The following CTPS2 variants were observed in gnomAD, a reference collection of about 807,000 sequenced individuals.
CTPS2 encodes CTP synthase 2.
In CTPS2, 19 loss-of-function variants were observed where a neutral mutation model predicts 46.8. The observed-to-expected ratio is 0.41, with a 90% CI of 0.28 to 0.60. The LOEUF (loss-of-function observed/expected upper bound fraction) is 0.60, where lower values mean the gene tolerates loss of function less well. Among genes scored for constraint, CTPS2 ranks in the 20% least tolerant of loss-of-function variants. CTPS2 has a pLI of 0.35. For synonymous variants in CTPS2, 151 were observed against 165.2 expected, an observed-to-expected ratio of 0.91 and a Z score of 0.66; for missense variants, 286 against 447.6, an observed-to-expected ratio of 0.64 and a Z score of 3.26.
chrX:16,626,251 G>A (rs372940311), intron 14 of CTPS2, among the ~76,000 whole-genome samples: 6 of 111,076 alleles, frequency 5.4e-5, no homozygotes, highest in Admixed American at 2.9e-4. Flanking sequence ...GCGTGGTGGT[G>A]GACACCTGTA....
At chrX:16,693,048 C>A (rs1354528798) in intron 6 of CTPS2, 93 bp downstream of exon 6, 54 of 640,009 alleles carry the variant, frequency 8.4e-5, no homozygotes, top group Non-Finnish European at 1.3e-4. Flanking sequence ...CAGAGCAAGA[C>A]TCCGTCTCAA....
At chrX:16,600,278 G>T (rs1482454691) in intron 17 of CTPS2, among the ~76,000 whole-genome samples, 2 of 112,010 alleles carry the variant, frequency 1.8e-5, no homozygotes, top group African/African-American at 6.5e-5. Context: ...GAAAGAGGTG[G>T]TTGGAATTTA....
At chrX:16,605,317 C>G (rs1214258051) in intron 17 of CTPS2, among the ~76,000 whole-genome samples, 3 of 112,048 alleles carry the variant, frequency 2.7e-5, no homozygotes, top group Non-Finnish European at 3.8e-5. Context: ...CTCGACGTGA[C>G]TTATCACAGG....
At chrX:16,619,102 C>T (rs1234892567) in intron 15 of CTPS2, among the ~76,000 whole-genome samples, 1 of 112,361 alleles carries the variant, frequency 8.9e-6, no homozygotes, top group African/African-American at 3.2e-5. Flanking sequence ...GGAAATAAGA[C>T]CAAAAATGTC....
chrX:16,651,105 G>C, intron 13 of CTPS2: 14 of 1,185,604 alleles, frequency 1.2e-5, no homozygotes, highest in Non-Finnish European at 1.6e-5. Context: ...ATGAACTGAA[G>C]CTATTGATTC....
At position 16,693,130 on chromosome X, in the gene CTPS2, C is replaced by T; in HGVS notation, c.639+11G>A. ...CCTTCAGGATAGACTTACCCACTGT[C>T]CTCAACTCACCAGATCTGGAGACAG... On this transcript the variant is annotated intron_variant, in intron 6 of 18. Coordinates refer to ENST00000359276, the MANE Select transcript of CTPS2 (RefSeq NM_175859.3). The T allele has an allele frequency of 8.6e-7, 1 of 1,164,714 alleles. No homozygotes were observed. The highest frequency in any genetic ancestry group is 1.2e-6 in the Non-Finnish European group (1 of 853,487).
chrX:16,642,790 A>C (rs1028120132), intron 13 of CTPS2, among the ~76,000 whole-genome samples: 2 of 112,528 alleles, frequency 1.8e-5, no homozygotes, highest in African/African-American at 6.5e-5. Flanking sequence ...GTTTCAAAAC[A>C]TATCTATTTT....
chrX:16,631,927 A>T (rs962439581), intron 14 of CTPS2, among the ~76,000 whole-genome samples: 1 of 111,714 alleles, frequency 9.0e-6, no homozygotes, highest in Non-Finnish European at 1.9e-5. Context: ...TTAGTTCCTC[A>T]GTGTTCCCCT....
chrX:16,701,789 C>T (rs1253705318), intron 2 of CTPS2, among the ~76,000 whole-genome samples: 2 of 108,499 alleles, frequency 1.8e-5, no homozygotes, highest in East Asian at 3.0e-4. Flanking sequence ...TTAGTAGAGA[C>T]GGGGTTTCAC....
chrX:16,684,534 A>C (rs773654957), intron 8 of CTPS2, among the ~76,000 whole-genome samples: 1 of 109,600 alleles, frequency 9.1e-6, no homozygotes, highest in African/African-American at 3.3e-5. Context: ...AAAAACAAAA[A>C]CAAAAAGAAC....
chrX:16,663,514 A>G (rs1230055680), intron 13 of CTPS2, among the ~76,000 whole-genome samples: 1 of 111,319 alleles, frequency 9.0e-6, no homozygotes, highest in Non-Finnish European at 1.9e-5. Context: ...ACACACAAAA[A>G]CACACACACA....
intron 17 of CTPS2, among the ~76,000 whole-genome samples, chrX:16,596,693 C>A (rs1319026227): frequency 2.8e-5 from 3 of 107,448 alleles, no homozygotes; most frequent in Admixed American, 2.0e-4. Context: ...ATTTATAGTC[C>A]TTTGGGTATA....
At chrX:16,665,633 G>C (rs941863096) in intron 13 of CTPS2, among the ~76,000 whole-genome samples, 1 of 112,040 alleles carries the variant, frequency 8.9e-6, no homozygotes, top group African/African-American at 3.2e-5. Flanking sequence ...GAGGCTTGGG[G>C]GTGTCAGCTA....
intron 4 of CTPS2, among the ~76,000 whole-genome samples, chrX:16,697,458 TA>T (rs1307007247): frequency 1.1e-4 from 5 of 45,761 alleles, no homozygotes; most frequent in South Asian, 1.1e-3. Flanking sequence ...TTTTTTTTTT[TA>T]AATTAAGACA....
intron 17 of CTPS2, among the ~76,000 whole-genome samples, chrX:16,596,370 T>C (rs1162705411): frequency 1.2e-5 from 1 of 81,178 alleles, no homozygotes; most frequent in African/African-American, 4.8e-5. Flanking sequence ...GTCCCCAGAG[T>C]GTGATGTTCC....
intron 16 of CTPS2, 137 bp downstream of exon 16, chrX:16,617,013 T>C: frequency 6.4e-6 from 3 of 467,189 alleles, no homozygotes; most frequent in South Asian, 3.6e-5. Flanking sequence ...GTTTTTTTCA[T>C]GTACTTTGTA....
chrX:16,590,186 G>C (rs1236891541), intron 18 of CTPS2, among the ~76,000 whole-genome samples: 4 of 110,446 alleles, frequency 3.6e-5, no homozygotes, highest in African/African-American at 1.3e-4. Context: ...TCCCTACAAA[G>C]AAATCAAATA....
intron 17 of CTPS2, 131 bp from the exon 18 acceptor site, chrX:16,590,993 G>A: frequency 2.3e-6 from 1 of 440,612 alleles, no homozygotes; most frequent in Middle Eastern, 5.1e-4. Flanking sequence ...TATTCTTTTA[G>A]CACTTTCTAG....
At chrX:16,678,942 G>A (rs73630563) in intron 9 of CTPS2, among the ~76,000 whole-genome samples, 225 of 111,348 alleles carry the variant, frequency 2.0e-3, no homozygotes, top group African/African-American at 6.8e-3. Flanking sequence ...AAGGATTGAC[G>A]TCAAGGAAGA....
Sources: allele counts gnomAD v4.1 joint callset (sites outside exome capture counted in the v4.1 genomes callset), GRCh38; gene constraint gnomAD v4.1.1; transcripts MANE v1.5; gene names NCBI Gene and HGNC (gene_info 2026-07-23, HGNC 2026-07-21).